Variants in SGCZ observed in about 807,000 individuals in gnomAD.
The protein encoded by SGCZ is zeta-sarcoglycan.
A neutral mutation model predicts 41.3 loss-of-function variants in SGCZ; 40 were observed. The observed-to-expected ratio is 0.97, with a 90% CI of 0.75 to 1.26. The LOEUF is 1.26. Ranked by LOEUF, SGCZ falls within the 50% of genes most tolerant of loss-of-function variation. The probability of loss-of-function intolerance (pLI) is 0.00; values close to 1 mark genes in which losing one functional copy is unlikely to be tolerated. For missense variants in SGCZ, 552 were observed against 369.8 expected (o/e 1.49, Z -4.04); for synonymous variants, 206 against 137.5 (o/e 1.50, Z -3.49).
At chr8:14,653,293 T>A (rs1249988041) in intron 1 of SGCZ, among the ~76,000 whole-genome samples, 1 of 152,106 alleles carries the variant, frequency 6.6e-6, no homozygotes, top group Non-Finnish European at 1.5e-5. Flanking sequence ...CAGCAACGTG[T>A]CTTCCTACCA....
intron 1 of SGCZ, among the ~76,000 whole-genome samples, chr8:15,063,776 G>C (rs1050039398): frequency 6.6e-6 from 1 of 152,150 alleles, no homozygotes; most frequent in African/African-American, 2.4e-5. Flanking sequence ...GTGAAGTCAT[G>C]GGATAGTTCT....
At chr8:14,266,980 G>A (rs187522352) in intron 3 of SGCZ, among the ~76,000 whole-genome samples, 2 of 152,036 alleles carry the variant, frequency 1.3e-5, no homozygotes, top group East Asian at 3.9e-4. Flanking sequence ...GGACAAAAGT[G>A]GAATTTAAGT....
intron 1 of SGCZ, among the ~76,000 whole-genome samples, chr8:15,038,098 A>G (rs935121807): frequency 2.9e-4 from 1 of 3,390 alleles, no homozygotes; most frequent in Non-Finnish European, 4.4e-3. Flanking sequence ...CAGAAATATA[A>G]AAAAAAATCT....
At chr8:15,084,082 T>C (rs1159542671) in intron 1 of SGCZ, among the ~76,000 whole-genome samples, 1 of 152,324 alleles carries the variant, frequency 6.6e-6, no homozygotes, top group East Asian at 1.9e-4. Context: ...TAGAAACTGA[T>C]TATCTGCCTG....
Position 15,104,159 on chromosome 8 carries a change from C to T in SGCZ, c.39+133426G>A, listed in dbSNP as rs188601500. On this transcript the variant is annotated intron_variant, in intron 1 of 7. Coordinates refer to ENST00000382080, the MANE Select transcript of SGCZ (RefSeq NM_139167.4). ...AACACTGGATGTGCCCCCAACTTAT[C>T]AAATGGTTCTGGTTTCAATAACTCT... is the stretch of plus-strand genomic sequence containing the variant. Among the ~76,000 whole-genome samples, 1,123 of 152,292 alleles carry T rather than the reference C, an allele frequency of 7.4e-3. 18 individuals carry two copies. Among genetic ancestry groups the T allele is most frequent in the African/African-American group, 0.025 (1,058 of 41,570 alleles).
intron 1 of SGCZ, among the ~76,000 whole-genome samples, chr8:14,945,813 T>A (rs917806626): frequency 6.6e-6 from 1 of 150,950 alleles, no homozygotes; most frequent in African/African-American, 2.4e-5. Context: ...ACTCAGGAAC[T>A]AACACCAGTT....
intron 1 of SGCZ, among the ~76,000 whole-genome samples, chr8:14,644,524 T>G (rs1463314307): frequency 6.6e-6 from 1 of 151,852 alleles, no homozygotes; most frequent in African/African-American, 2.4e-5. Context: ...TCTTTGTCTC[T>G]CTTTATCTCT....
Position 14,389,937 on chromosome 8 carries a change from G to C in SGCZ, c.235-65733C>G, listed in dbSNP as rs138202087. The stretch of plus-strand genomic sequence containing the variant: ...TCTCACAGTATGAAGTAAATGACAA[G>C]TTAAAAACGGTGTGAGTATTGAGAA... On this transcript the variant is annotated intron_variant, in intron 2 of 7. Coordinates refer to ENST00000382080, the MANE Select transcript of SGCZ (RefSeq NM_139167.4). Among the ~76,000 whole-genome samples the C allele has an allele frequency of 7.3e-3, 1,112 of 152,078 alleles. 10 individuals carry two copies. The highest frequency in any genetic ancestry group is 0.012 in the Non-Finnish European group (825 of 67,918).
intron 4 of SGCZ, among the ~76,000 whole-genome samples, chr8:14,168,688 G>T (rs1045378743): frequency 2.6e-5 from 4 of 152,094 alleles, no homozygotes; most frequent in Non-Finnish European, 5.9e-5. Context: ...GTCTTTACTA[G>T]CAGTGTGAAA....
Position 15,152,022 on chromosome 8 carries a change from G to C in SGCZ, c.39+85563C>G, listed in dbSNP as rs1799192394. 2.6e-5 allele frequency among the ~76,000 whole-genome samples: 4 copies of C among 152,196 alleles called. No homozygotes were observed. In the South Asian group the frequency reaches 8.3e-4, roughly 31 times the overall value. On this transcript the variant is annotated intron_variant, in intron 1 of 7. Coordinates refer to ENST00000382080, the MANE Select transcript of SGCZ (RefSeq NM_139167.4). ...AACTGTGGTTAAGCAAAGGTTTGAA[G>C]TAAAATAAGAAAGTATCATAAAATA...
chr8:14,739,958 G>A (rs1799150627), intron 1 of SGCZ, among the ~76,000 whole-genome samples: 1 of 151,970 alleles, frequency 6.6e-6, no homozygotes, highest in African/African-American at 2.4e-5. Flanking sequence ...AACAACATCT[G>A]CATATGGAAA....
At chr8:14,533,619 G>T (rs1803204902) in intron 2 of SGCZ, among the ~76,000 whole-genome samples, 2 of 151,846 alleles carry the variant, frequency 1.3e-5, no homozygotes, top group Admixed American at 1.3e-4. Context: ...AGAGTGGAGA[G>T]GATTCCAATC....
intron 2 of SGCZ, among the ~76,000 whole-genome samples, chr8:14,463,353 A>G (rs1378977902): frequency 1.3e-5 from 2 of 151,366 alleles, no homozygotes; most frequent in Non-Finnish European, 3.0e-5. Context: ...ACTGGAATAA[A>G]CACAGGCATG....
rs186213969 is a variant in SGCZ, at chr8:14,186,658, T to C, written c.425-21956A>G. 2.6e-3 allele frequency among the ~76,000 whole-genome samples: 398 copies of C among 152,332 alleles called. 4 individuals carry two copies. The highest frequency in any genetic ancestry group is 9.0e-4 in the Non-Finnish European group (61 of 68,032). On this transcript the variant is annotated intron_variant, in intron 4 of 7. Transcript: ENST00000382080. ...ATACACAGCTATAGTGCAGACATTT[T>C]GCGCAAGGAGAGAGGCAGGCTGTAA...
chr8:14,840,381 C>T (rs1054358845), intron 1 of SGCZ, among the ~76,000 whole-genome samples: 3 of 152,110 alleles, frequency 2.0e-5, no homozygotes, highest in Non-Finnish European at 2.9e-5. Context: ...TGTGAATTCA[C>T]ATTGATTTAT....
intron 1 of SGCZ, among the ~76,000 whole-genome samples, chr8:15,044,037 C>G (rs1804208972): frequency 6.6e-6 from 1 of 152,084 alleles, no homozygotes; most frequent in African/African-American, 2.4e-5. Flanking sequence ...TATTGCCATG[C>G]TTTCCTGCAA....
intron 4 of SGCZ, among the ~76,000 whole-genome samples, chr8:14,231,160 A>AGTGTGTGTGTGTGTGT (rs71209027): frequency 0.029 from 3,253 of 112,000 alleles, 96 homozygotes; most frequent in South Asian, 0.032. Flanking sequence ...TCTTTGGGCA[A>AGTGTGTGTGTGTGTGT]GTGTGTGTGT....
chr8:14,438,919 G>A (rs1800167029), intron 2 of SGCZ, among the ~76,000 whole-genome samples: 1 of 151,946 alleles, frequency 6.6e-6, no homozygotes, highest in Admixed American at 6.6e-5. Flanking sequence ...TGTAAGAGAA[G>A]TATTCTGTTT....
At chr8:15,169,846 G>A (rs1212746742) in intron 1 of SGCZ, among the ~76,000 whole-genome samples, 1 of 152,106 alleles carries the variant, frequency 6.6e-6, no homozygotes, top group South Asian at 2.1e-4. Flanking sequence ...TCCATTCTGG[G>A]GGGATGCAAA....
Sources: allele counts gnomAD v4.1 joint callset (sites outside exome capture counted in the v4.1 genomes callset), GRCh38; gene constraint gnomAD v4.1.1; transcripts MANE v1.5; gene names NCBI Gene and HGNC (gene_info 2026-07-23, HGNC 2026-07-21).